SLC44A5: variants seen among roughly 807,000 people sequenced by gnomAD.
The protein encoded by SLC44A5 is solute carrier family 44 member 5.
SLC44A5 carries 57 observed loss-of-function variants against 101.8 expected under a neutral mutation model. The ratio of observed to expected loss-of-function variants is 0.56; its 90% CI spans 0.45 to 0.70. The LOEUF is 0.70. Ranked by LOEUF, SLC44A5 falls within the 30% of genes least tolerant of loss-of-function variation. SLC44A5 has a pLI of 0.00. For missense variants in SLC44A5, 737 were observed against 853.1 expected, an observed-to-expected ratio of 0.86 and a Z score of 1.70; for synonymous variants, 281 against 290.9, an observed-to-expected ratio of 0.97 and a Z score of 0.35.
the SLC44A5 span, chr1:75,641,900 A>C: frequency 6.3e-7 from 1 of 1,598,582 alleles, no homozygotes; most frequent in Non-Finnish European, 8.6e-7. Context: ...CCATTCAAGA[A>C]TTTCCTTCAT....
chr1:75,318,247 C>T (rs1465516740), intron 4 of SLC44A5, among the ~76,000 whole-genome samples: 2 of 152,068 alleles, frequency 1.3e-5, no homozygotes, highest in East Asian at 3.9e-4. Flanking sequence ...CAGGGTCACG[C>T]ACACCTGTAG....
chr1:75,404,181 C>T (rs1662694241), intron 2 of SLC44A5, among the ~76,000 whole-genome samples: 1 of 151,882 alleles, frequency 6.6e-6, no homozygotes. Context: ...ACAAAGCCTC[C>T]AAGAAATATG....
intron 6 of SLC44A5, among the ~76,000 whole-genome samples, chr1:75,268,985 G>C (rs1223581414): frequency 6.6e-6 from 1 of 151,902 alleles, no homozygotes. Flanking sequence ...GAAAACTGCT[G>C]AATCAAAAAG....
chr1:75,407,699 C>A (rs111878153), intron 2 of SLC44A5, among the ~76,000 whole-genome samples: 1 of 152,060 alleles, frequency 6.6e-6, no homozygotes, highest in Non-Finnish European at 1.5e-5. Flanking sequence ...ATACCTTATA[C>A]GAAAATTAAC....
At chr1:75,595,980 A>G (rs1674607271) in intron 1 of SLC44A5, among the ~76,000 whole-genome samples, 1 of 152,162 alleles carries the variant, frequency 6.6e-6, no homozygotes, top group South Asian at 2.1e-4. Context: ...TATCTGACCT[A>G]TTGACTAGCT....
intron 2 of SLC44A5, among the ~76,000 whole-genome samples, chr1:75,415,700 T>C (rs1484376615): frequency 6.6e-6 from 1 of 152,152 alleles, no homozygotes; most frequent in Non-Finnish European, 1.5e-5. Context: ...AAAATGCTGA[T>C]AGTGATATGA....
At chr1:75,680,138 C>T in the SLC44A5 span, among the ~76,000 whole-genome samples, 8 of 152,174 alleles carry the variant, frequency 5.3e-5, no homozygotes, top group Admixed American at 5.2e-4. Context: ...TACAAAGAGA[C>T]TTAGACTCCC....
chr1:75,251,685 A>T (rs1280662329), intron 6 of SLC44A5, among the ~76,000 whole-genome samples: 1 of 152,230 alleles, frequency 6.6e-6, no homozygotes, highest in Non-Finnish European at 1.5e-5. Flanking sequence ...AACAAATATA[A>T]CATGAAGAAA....
chr1:75,285,745 C>T (rs1391101301), intron 5 of SLC44A5, among the ~76,000 whole-genome samples: 1 of 151,952 alleles, frequency 6.6e-6, no homozygotes, highest in Non-Finnish European at 1.5e-5. Context: ...AATTCAGGAG[C>T]AGGTTATTTA....
the SLC44A5 span, among the ~76,000 whole-genome samples, chr1:75,688,625 A>G: frequency 6.6e-6 from 1 of 152,182 alleles, no homozygotes; most frequent in Non-Finnish European, 1.5e-5. Flanking sequence ...TCCCATTTTC[A>G]AAGCCTCGGG....
intron 2 of SLC44A5, among the ~76,000 whole-genome samples, chr1:75,445,065 T>C (rs141947063): frequency 6.6e-6 from 1 of 152,266 alleles, no homozygotes; most frequent in African/African-American, 2.4e-5. Context: ...CTCACTGATA[T>C]GGTTTGGATA....
chr1:75,475,827 G>T (rs1368924827), intron 2 of SLC44A5, among the ~76,000 whole-genome samples: 1 of 152,204 alleles, frequency 6.6e-6, no homozygotes, highest in Non-Finnish European at 1.5e-5. Context: ...TTATGTGATG[G>T]TGGTGAACTT....
At chr1:75,331,292 C>A (rs1047214419) in intron 4 of SLC44A5, among the ~76,000 whole-genome samples, 1 of 152,160 alleles carries the variant, frequency 6.6e-6, no homozygotes, top group Non-Finnish European at 1.5e-5. Flanking sequence ...ACAGGCAAAA[C>A]AGAAGTCTTA....
the SLC44A5 span, among the ~76,000 whole-genome samples, chr1:75,669,159 G>T: frequency 6.6e-6 from 1 of 151,390 alleles, no homozygotes; most frequent in Non-Finnish European, 1.5e-5. Flanking sequence ...GTACCCAGAT[G>T]AGCTCATTTT....
intron 6 of SLC44A5, among the ~76,000 whole-genome samples, chr1:75,252,082 G>T (rs1015030626): frequency 5.9e-5 from 9 of 152,120 alleles, no homozygotes; most frequent in African/African-American, 2.2e-4. Context: ...CGAAGTGTTT[G>T]TTCAACATTT....
intron 14 of SLC44A5, 50 bp downstream of exon 14, chr1:75,222,311 A>AT (rs1432566769): frequency 7.3e-7 from 1 of 1,369,506 alleles, no homozygotes; most frequent in Admixed American, 1.7e-5. Context: ...ACAGTGACTG[A>AT]TTTTACTGAC....
At chr1:75,412,310 G>A (rs1480770373) in intron 2 of SLC44A5, among the ~76,000 whole-genome samples, 1 of 152,070 alleles carries the variant, frequency 6.6e-6, no homozygotes, top group African/African-American at 2.4e-5. Context: ...TTGGTGGCGG[G>A]AGATAAGTTC....
intron 2 of SLC44A5, among the ~76,000 whole-genome samples, chr1:75,446,671 CACACAT>C (rs1457175388): frequency 2.0e-5 from 3 of 151,970 alleles, no homozygotes; most frequent in Non-Finnish European, 1.5e-5. Context: ...CACACACACA[CACACAT>C]ACACACACAC....
At chr1:75,566,020 ACATTTCACT>A (rs1453768359) in intron 1 of SLC44A5, among the ~76,000 whole-genome samples, 2 of 152,250 alleles carry the variant, frequency 1.3e-5, no homozygotes, top group African/African-American at 4.8e-5. Context: ...TAAATAGCAT[ACATTTCACT>A]TCAGGCTATC....
Sources: gnomAD v4.1 joint callset for allele counts (sites outside exome capture counted in the v4.1 genomes callset) on GRCh38, gnomAD v4.1.1 for gene constraint, MANE v1.5 for transcripts, NCBI Gene and HGNC (gene_info 2026-07-23, HGNC 2026-07-21) for gene names.